The following SLC9A9 variants were observed in gnomAD, a reference collection of about 807,000 sequenced individuals.
The protein encoded by SLC9A9 is solute carrier family 9 member A9, also known as sodium/hydrogen exchanger 9.
Under a neutral mutation model 77.8 loss-of-function variants are expected in SLC9A9, and 62 were observed. The ratio of observed to expected loss-of-function variants is 0.80; its 90% CI spans 0.65 to 0.98. SLC9A9 has a LOEUF of 0.98. SLC9A9 is among the 50% of genes least tolerant of loss of function. The pLI is 0.00. For missense variants in SLC9A9, 775 were observed against 774.9 expected, an observed-to-expected ratio of 1.00 and a Z score of 0.00; for synonymous variants, 320 against 283.5, an observed-to-expected ratio of 1.13 and a Z score of -1.29.
chr3:143,797,019 T>A, intron 2 of SLC9A9, 116 bp from the exon 3 acceptor site: 2 of 755,946 alleles, frequency 2.6e-6, no homozygotes, highest in South Asian at 3.4e-5. Flanking sequence ...GCATATTAAC[T>A]ATTAACTTGG....
intron 12 of SLC9A9, among the ~76,000 whole-genome samples, chr3:143,389,273 G>A (rs2033498630): frequency 6.6e-6 from 1 of 152,100 alleles, no homozygotes; most frequent in Non-Finnish European, 1.5e-5. Flanking sequence ...GAAAAAAAAA[G>A]AAACTGGAGG....
At chr3:143,496,974 G>A (rs1227750726) in intron 9 of SLC9A9, among the ~76,000 whole-genome samples, 1 of 152,112 alleles carries the variant, frequency 6.6e-6, no homozygotes, top group Non-Finnish European at 1.5e-5. Context: ...ACACCGAGGA[G>A]AGAGAGATCA....
At chr3:143,713,403 C>G (rs191227038) in intron 4 of SLC9A9, among the ~76,000 whole-genome samples, 99 of 152,128 alleles carry the variant, frequency 6.5e-4, no homozygotes, top group South Asian at 1.9e-3. Context: ...TGGGAGAAAC[C>G]CAAGAAGGAA....
chr3:143,352,439 C>G (rs1216497818), intron 14 of SLC9A9, among the ~76,000 whole-genome samples: 1 of 142,348 alleles, frequency 7.0e-6, no homozygotes, highest in Non-Finnish European at 1.5e-5. Context: ...CAAGGAATTC[C>G]AAGGAAATGG....
intron 14 of SLC9A9, among the ~76,000 whole-genome samples, chr3:143,311,697 G>T (rs2031024857): frequency 6.6e-6 from 1 of 152,158 alleles, no homozygotes; most frequent in Non-Finnish European, 1.5e-5. Flanking sequence ...CTCTGTAAGG[G>T]CATGTTTTCT....
chr3:143,647,958 AT>A (rs1333276147), intron 6 of SLC9A9, among the ~76,000 whole-genome samples: 3 of 152,198 alleles, frequency 2.0e-5, no homozygotes, highest in Non-Finnish European at 2.9e-5. Context: ...AAAATGCCAT[AT>A]TTATGAAGAA....
At chr3:143,757,395 C>A (rs2006959043) in intron 4 of SLC9A9, among the ~76,000 whole-genome samples, 1 of 152,090 alleles carries the variant, frequency 6.6e-6, no homozygotes, top group Admixed American at 6.6e-5. Flanking sequence ...TGCTTCAGGC[C>A]AAACAAAACA....
intron 12 of SLC9A9, among the ~76,000 whole-genome samples, chr3:143,428,691 C>G (rs1302694130): frequency 8.7e-6 from 1 of 114,296 alleles, no homozygotes; most frequent in African/African-American, 4.0e-5. Context: ...AAATGCCCAT[C>G]TACAGATGAA....
chr3:143,776,314 A>G (rs1033021223), intron 4 of SLC9A9, among the ~76,000 whole-genome samples: 2 of 152,220 alleles, frequency 1.3e-5, no homozygotes, highest in Non-Finnish European at 2.9e-5. Flanking sequence ...TGGGCCAACG[A>G]TAGAATTTTT....
intron 2 of SLC9A9, among the ~76,000 whole-genome samples, chr3:143,805,809 C>CTAA (rs1193541902): frequency 2.0e-5 from 3 of 152,232 alleles, no homozygotes; most frequent in African/African-American, 4.8e-5. Flanking sequence ...CGGCCCCACC[C>CTAA]CTATCTCCCT....
intron 2 of SLC9A9, among the ~76,000 whole-genome samples, chr3:143,819,516 G>A (rs1397023262): frequency 6.6e-6 from 1 of 152,158 alleles, no homozygotes; most frequent in African/African-American, 2.4e-5. Context: ...AGTCACTTAA[G>A]CTTCCAGAAC....
intron 9 of SLC9A9, among the ~76,000 whole-genome samples, chr3:143,513,016 A>T (rs1168408890): frequency 6.6e-6 from 1 of 152,228 alleles, no homozygotes; most frequent in Non-Finnish European, 1.5e-5. Context: ...CTTAACCTAG[A>T]TGTTTAATGG....
chr3:143,458,260 G>T (rs1426853347), intron 12 of SLC9A9, among the ~76,000 whole-genome samples: 1 of 151,916 alleles, frequency 6.6e-6, no homozygotes, highest in South Asian at 2.1e-4. Context: ...GCTTCATTTT[G>T]ATTGGTGTTT....
chr3:143,561,465 C>T (rs35593863), intron 8 of SLC9A9, among the ~76,000 whole-genome samples: 16,938 of 151,210 alleles, frequency 0.11, 1,159 homozygotes, highest in Non-Finnish European at 0.14. Flanking sequence ...GAAAAAGTAG[C>T]CAAAAAGAAT....
At chr3:143,348,125 T>C (rs1363205705) in intron 14 of SLC9A9, among the ~76,000 whole-genome samples, 2 of 152,008 alleles carry the variant, frequency 1.3e-5, no homozygotes, top group African/African-American at 4.8e-5. Context: ...GCTGTTCTCC[T>C]GCTTCAGCCT....
intron 4 of SLC9A9, among the ~76,000 whole-genome samples, chr3:143,696,834 T>C (rs1286528289): frequency 2.0e-5 from 3 of 152,132 alleles, no homozygotes; most frequent in African/African-American, 4.8e-5. Context: ...CAGGGTTACA[T>C]GGAAACTAGA....
At chr3:143,716,538 T>C (rs888812190) in intron 4 of SLC9A9, among the ~76,000 whole-genome samples, 7 of 152,044 alleles carry the variant, frequency 4.6e-5, no homozygotes. Flanking sequence ...GTCAGGGAGA[T>C]TAGGCAGGAC....
At chr3:143,582,797 T>C (rs907433401) in intron 6 of SLC9A9, among the ~76,000 whole-genome samples, 1 of 152,170 alleles carries the variant, frequency 6.6e-6, no homozygotes, top group Non-Finnish European at 1.5e-5. Flanking sequence ...TCAAGTTTAG[T>C]GGAGGATGTT....
intron 13 of SLC9A9, among the ~76,000 whole-genome samples, chr3:143,372,707 C>T (rs1489256413): frequency 3.9e-5 from 6 of 152,134 alleles, no homozygotes; most frequent in Non-Finnish European, 1.5e-5. Context: ...GCAAACTATG[C>T]ATCTGACGAG....
Sources: allele counts gnomAD v4.1 joint callset (sites outside exome capture counted in the v4.1 genomes callset), GRCh38; gene constraint gnomAD v4.1.1; transcripts MANE v1.5; gene names NCBI Gene and HGNC (gene_info 2026-07-23, HGNC 2026-07-21).